Variants in UBE4B observed in about 807,000 individuals in gnomAD.
UBE4B encodes the protein ubiquitin conjugation factor E4 B.
A neutral mutation model predicts 148.1 loss-of-function variants in UBE4B; 27 were observed. The observed-to-expected ratio is 0.18, with a 90% CI of 0.13 to 0.25. The LOEUF is 0.25. Ranked by LOEUF, UBE4B falls within the 10% of genes least tolerant of loss-of-function variation. The pLI is 1.00. For missense variants in UBE4B, 1,170 were observed against 1,662.4 expected, an observed-to-expected ratio of 0.70 and a Z score of 5.15; for synonymous variants, 596 against 619.3, an observed-to-expected ratio of 0.96 and a Z score of 0.56.
chr1:10,165,138 G>A (rs972395890), intron 23 of UBE4B, among the ~76,000 whole-genome samples: 18 of 152,144 alleles, frequency 1.2e-4, no homozygotes, highest in East Asian at 7.7e-4. Context: ...TGCAGACCAA[G>A]TATTTGTCTA....
chr1:10,171,091 A>G (rs1287710644), intron 24 of UBE4B, 47 bp from the exon 25 acceptor site: 1 of 1,554,030 alleles, frequency 6.4e-7, no homozygotes, highest in Non-Finnish European at 8.7e-7. Context: ...GGTCCTTTTC[A>G]CTTGTCTCAA....
chr1:10,057,421 T>TC (rs1491311282), intron 1 of UBE4B, among the ~76,000 whole-genome samples: 5 of 126,012 alleles, frequency 4.0e-5, no homozygotes, highest in African/African-American at 1.6e-4. Context: ...GTCTTTTCTC[T>TC]TTTTTTTTTT....
Position 10,119,760 on chromosome 1 carries a change from CT to C in UBE4B, c.1439+148del, listed in dbSNP as rs1385821067. On this transcript the variant is annotated intron_variant, in intron 9 of 27. Coordinates refer to ENST00000343090, the MANE Select transcript of UBE4B (RefSeq NM_001105562.3). The stretch of plus-strand genomic sequence containing the variant: ...AAGGTCCCTTTCCTTCGCTAAAATA[CT>C]ATGAAAATAAACACTCCTTTCTTCC... 1.7e-5 allele frequency: 10 copies of C among 596,258 alleles called. No individual in the cohort carries two copies. The East Asian group carries it at 3.0e-4, about 18-fold the overall frequency. The allele number at this position is 596,258 out of a possible 1,614,324, so 36.9% of individuals were successfully genotyped here.
At chr1:10,173,508 T>TAC (rs1051041714) in intron 25 of UBE4B, among the ~76,000 whole-genome samples, 29 of 149,998 alleles carry the variant, frequency 1.9e-4, no homozygotes, top group East Asian at 1.4e-3. Flanking sequence ...TATATATATA[T>TAC]ACACACACAC....
chr1:10,144,782 C>CT (rs915585426), intron 17 of UBE4B, among the ~76,000 whole-genome samples, 158 bp from the exon 18 acceptor site: 4 of 149,228 alleles, frequency 2.7e-5, no homozygotes, highest in Admixed American at 6.7e-5. Flanking sequence ...GCCAATTAAA[C>CT]TATGATTTGC....
chr1:10,111,089 A>T (rs1173016006), intron 7 of UBE4B, among the ~76,000 whole-genome samples: 2 of 143,260 alleles, frequency 1.4e-5, no homozygotes, highest in Non-Finnish European at 3.0e-5. Context: ...ACACACACAC[A>T]CACAGTCTTT....
chr1:10,164,457 C>T (rs1230736797), intron 23 of UBE4B, among the ~76,000 whole-genome samples: 3 of 152,178 alleles, frequency 2.0e-5, no homozygotes, highest in Non-Finnish European at 4.4e-5. Flanking sequence ...TCAAGCAGTC[C>T]TCCCACCTCA....
chr1:10,138,630 C>A (rs1440564814), intron 17 of UBE4B, among the ~76,000 whole-genome samples: 2 of 151,988 alleles, frequency 1.3e-5, no homozygotes, highest in African/African-American at 4.8e-5. Context: ...AATTTTATTT[C>A]TTTTACTTTT....
At chr1:10,167,379 C>T (rs1466049960) in intron 23 of UBE4B, among the ~76,000 whole-genome samples, 3 of 151,244 alleles carry the variant, frequency 2.0e-5, no homozygotes, top group Non-Finnish European at 2.9e-5. Context: ...GCGGAGGTTC[C>T]GGTGAGCCGA....
chr1:10,066,881 G>A (rs567942148), intron 1 of UBE4B, among the ~76,000 whole-genome samples: 1 of 152,168 alleles, frequency 6.6e-6, no homozygotes, highest in East Asian at 1.9e-4. Flanking sequence ...ACTCCAACCT[G>A]GGTGACAGAG....
rs950504800 is a variant in UBE4B, at chr1:10,171,022, A to C, written c.3334-116A>C. On this transcript the variant is annotated intron_variant, in intron 24 of 27. Coordinates refer to ENST00000343090, the MANE Select transcript of UBE4B (RefSeq NM_001105562.3). ...CAGCTTATGATACACAGCACCTGTAAGGATTCTTTGAAGATTAATCCAACC... is the reference window on the plus strand; with the variant it reads ...CAGCTTATGATACACAGCACCTGTACGGATTCTTTGAAGATTAATCCAACC... 3.7e-6 allele frequency: 4 copies of C among 1,083,506 alleles called. No individual in the cohort carries two copies. In the African/African-American group the frequency reaches 6.3e-5, roughly 17 times the overall value. The allele number at this position is 1,083,506 out of a possible 1,614,324, so 67.1% of individuals were successfully genotyped here. A position where few individuals can be genotyped will look rare whatever the true frequency, so the allele number is the denominator to read the frequency against.
intron 25 of UBE4B, among the ~76,000 whole-genome samples, chr1:10,172,513 G>A (rs570433423): frequency 6.6e-6 from 1 of 152,260 alleles, no homozygotes; most frequent in East Asian, 1.9e-4. Flanking sequence ...CATATCCTCA[G>A]TCTCTCTGCT....
intron 1 of UBE4B, among the ~76,000 whole-genome samples, chr1:10,066,841 G>A (rs889615344): frequency 6.6e-6 from 1 of 152,074 alleles, no homozygotes; most frequent in African/African-American, 2.4e-5. Flanking sequence ...GGGAGGCAGA[G>A]GTTGCAGTGA....
intron 25 of UBE4B, among the ~76,000 whole-genome samples, chr1:10,172,590 A>G (rs1250140530): frequency 6.6e-6 from 1 of 152,154 alleles, no homozygotes; most frequent in Non-Finnish European, 1.5e-5. Flanking sequence ...CACACTACTT[A>G]TCCAAATACT....
At chr1:10,176,997 C>T (rs1220711641) in intron 25 of UBE4B, among the ~76,000 whole-genome samples, 1 of 150,504 alleles carries the variant, frequency 6.6e-6, no homozygotes, top group Admixed American at 6.6e-5. Flanking sequence ...CCATGTTAGC[C>T]AGGATGGTCT....
chr1:10,040,952 T>C (rs2101771610), intron 1 of UBE4B, among the ~76,000 whole-genome samples: 1 of 152,228 alleles, frequency 6.6e-6, no homozygotes, highest in East Asian at 1.9e-4. Flanking sequence ...ATTTCTTCCC[T>C]TGTAACAGGC....
chr1:10,081,808 C>G (rs142686814), intron 2 of UBE4B, among the ~76,000 whole-genome samples: 1 of 152,120 alleles, frequency 6.6e-6, no homozygotes, highest in Non-Finnish European at 1.5e-5. Flanking sequence ...AGGCTGGTCT[C>G]GAACTCCTGA....
At chr1:10,075,917 A>G (rs1644572082) in intron 2 of UBE4B, among the ~76,000 whole-genome samples, 2 of 152,086 alleles carry the variant, frequency 1.3e-5, no homozygotes. Context: ...GATGGTGCAC[A>G]CATGTAGTCC....
At chr1:10,111,288 T>G (rs1234748377) in intron 7 of UBE4B, among the ~76,000 whole-genome samples, 1 of 151,926 alleles carries the variant, frequency 6.6e-6, no homozygotes, top group Non-Finnish European at 1.5e-5. Context: ...CCATTCTAAC[T>G]TAATCTCCCT....
Sources: allele counts gnomAD v4.1 joint callset (sites outside exome capture counted in the v4.1 genomes callset), GRCh38; gene constraint gnomAD v4.1.1; transcripts MANE v1.5; gene names NCBI Gene and HGNC (gene_info 2026-07-23, HGNC 2026-07-21).